The following LYPD6B variants were observed in gnomAD, a reference collection of about 807,000 sequenced individuals.
LYPD6B encodes the protein ly6/PLAUR domain-containing protein 6B.
A neutral mutation model predicts 22.8 loss-of-function variants in LYPD6B; 17 were observed. That is an observed-to-expected ratio of 0.75 (90% CI 0.51 to 1.12). LYPD6B has a LOEUF of 1.12. Among genes scored for constraint, LYPD6B ranks in the 50% most tolerant of loss-of-function variants. The pLI is 0.00. For missense variants in LYPD6B, 221 were observed against 258.3 expected (o/e 0.86, Z 0.99); for synonymous variants, 106 against 91.6 (o/e 1.16, Z -0.90).
At chr2:149,198,125 C>G (rs138799293) in intron 3 of LYPD6B, among the ~76,000 whole-genome samples, 2 of 151,982 alleles carry the variant, frequency 1.3e-5, no homozygotes, top group South Asian at 2.1e-4. Context: ...TCACTGCAAT[C>G]CCCGCCTCCT....
At chr2:149,095,380 C>T (rs1156469336) in intron 1 of LYPD6B, among the ~76,000 whole-genome samples, 1 of 152,196 alleles carries the variant, frequency 6.6e-6, no homozygotes, top group African/African-American at 2.4e-5. Context: ...CATTGTGATA[C>T]TGTGCTCTCA....
chr2:149,101,793 T>C (rs1453252152), intron 1 of LYPD6B, among the ~76,000 whole-genome samples: 1 of 152,222 alleles, frequency 6.6e-6, no homozygotes, highest in Admixed American at 6.5e-5. Flanking sequence ...GAATGCATCT[T>C]GGCCTCAAGG....
intron 1 of LYPD6B, among the ~76,000 whole-genome samples, chr2:149,042,071 G>C (rs4667363): frequency 0.91 from 138,080 of 152,226 alleles, 64,170 homozygotes; most frequent in East Asian, 1. Flanking sequence ...AGAACACTTA[G>C]TTGCTCTAAA....
chr2:149,041,785 T>C (rs1683099858), intron 1 of LYPD6B, among the ~76,000 whole-genome samples: 1 of 152,186 alleles, frequency 6.6e-6, no homozygotes, highest in Non-Finnish European at 1.5e-5. Flanking sequence ...CTACCCTGTA[T>C]TAGATTCCAT....
chr2:149,156,527 G>T (rs1181638925), intron 2 of LYPD6B, among the ~76,000 whole-genome samples: 3 of 152,116 alleles, frequency 2.0e-5, no homozygotes, highest in African/African-American at 7.2e-5. Flanking sequence ...CAAAATCAAG[G>T]TGTCAGCAAG....
In LYPD6B at chr2:149,130,872, C is replaced by T. The variant is rs752160294; in HGVS notation, c.-66-11C>T. The T allele has an allele frequency of 2.2e-5, 24 of 1,075,584 alleles. No homozygotes were observed. Among genetic ancestry groups the T allele is most frequent in the Non-Finnish European group, 3.3e-5 (23 of 696,088 alleles). The allele number at this position is 1,075,584 out of a possible 1,614,324, so 66.6% of individuals were successfully genotyped here. ...AGTCATAATGATACCTTTTCATGTT[C>T]ATTTGTTTAGATATGCCACACTTCT... is the stretch of plus-strand genomic sequence containing the variant. On this transcript the variant is annotated splice_polypyrimidine_tract_variant and intron_variant, in intron 1 of 6. Coordinates refer to ENST00000409642, the MANE Select transcript of LYPD6B (RefSeq NM_177964.5).
At chr2:149,120,383 A>ATTTTTTTTTTTTT (rs869074241) in intron 1 of LYPD6B, among the ~76,000 whole-genome samples, 1 of 48,614 alleles carries the variant, frequency 2.1e-5, no homozygotes, top group African/African-American at 1.1e-4. Context: ...ATATATATAT[A>ATTTTTTTTTTTTT]TTTTTTTTTT....
At chr2:149,047,809 G>C (rs1010138513) in intron 1 of LYPD6B, among the ~76,000 whole-genome samples, 1 of 151,854 alleles carries the variant, frequency 6.6e-6, no homozygotes, top group Non-Finnish European at 1.5e-5. Context: ...TTCGTTTTTT[G>C]CTTGTTTTAT....
chr2:149,087,233 C>T (rs1558989965), intron 1 of LYPD6B, among the ~76,000 whole-genome samples: 1 of 152,108 alleles, frequency 6.6e-6, no homozygotes, highest in African/African-American at 2.4e-5. Flanking sequence ...GCCACTTTCC[C>T]TTCTCCCTTC....
chr2:149,122,540 G>C (rs1687433782), intron 1 of LYPD6B, among the ~76,000 whole-genome samples: 2 of 151,094 alleles, frequency 1.3e-5, no homozygotes, highest in Non-Finnish European at 2.9e-5. Context: ...ATTTACATTA[G>C]TTATTCCTCC....
intron 1 of LYPD6B, among the ~76,000 whole-genome samples, chr2:149,071,945 T>C (rs891878174): frequency 3.3e-5 from 5 of 152,200 alleles, no homozygotes; most frequent in Admixed American, 3.3e-4. Context: ...CCCCCCTTTT[T>C]TTTTGAGACA....
intron 3 of LYPD6B, among the ~76,000 whole-genome samples, chr2:149,176,028 CAT>C (rs1474033236): frequency 6.6e-6 from 1 of 152,144 alleles, no homozygotes; most frequent in African/African-American, 2.4e-5. Flanking sequence ...CAGCCAGTAA[CAT>C]AGTCATTTAT....
At chr2:149,097,000 C>T (rs1685933218) in intron 1 of LYPD6B, among the ~76,000 whole-genome samples, 1 of 152,200 alleles carries the variant, frequency 6.6e-6, no homozygotes, top group Non-Finnish European at 1.5e-5. Flanking sequence ...GGGAGGCATC[C>T]AAACATGCTT....
intron 2 of LYPD6B, among the ~76,000 whole-genome samples, chr2:149,148,874 C>T (rs1054783192): frequency 1.3e-5 from 2 of 152,114 alleles, no homozygotes; most frequent in Non-Finnish European, 2.9e-5. Flanking sequence ...AAGTGTTTTA[C>T]AGACTTCTAC....
chr2:149,212,969 G>T (rs770160945), intron 5 of LYPD6B, 23 bp from the exon 6 acceptor site: 13 of 1,607,172 alleles, frequency 8.1e-6, no homozygotes, highest in Non-Finnish European at 1.1e-5. Context: ...TCTTGGTTTT[G>T]TTTTTTGTTT....
chr2:149,169,740 A>G (rs1471351717), intron 3 of LYPD6B, among the ~76,000 whole-genome samples: 2 of 152,170 alleles, frequency 1.3e-5, no homozygotes, highest in African/African-American at 4.8e-5. Flanking sequence ...TGCAGACTTT[A>G]AATACAGGGT....
chr2:149,131,214 G>T, intron 2 of LYPD6B: 1 of 423,840 alleles, frequency 2.4e-6, no homozygotes, highest in Non-Finnish European at 4.2e-6. Flanking sequence ...GGTAGCTGCT[G>T]ATCTTAATTT....
intron 1 of LYPD6B, among the ~76,000 whole-genome samples, chr2:149,119,600 C>T (rs80106878): frequency 1.3e-5 from 2 of 152,178 alleles, no homozygotes; most frequent in African/African-American, 2.4e-5. Context: ...GCCTTGGCTC[C>T]GGGCCCGTAG....
chr2:149,066,834 G>T (rs1347156739), intron 1 of LYPD6B, among the ~76,000 whole-genome samples: 3 of 151,630 alleles, frequency 2.0e-5, no homozygotes, highest in African/African-American at 7.3e-5. Flanking sequence ...TTTAGATTTA[G>T]GGGGTATATG....
Sources: gnomAD v4.1 joint callset for allele counts (sites outside exome capture counted in the v4.1 genomes callset) on GRCh38, gnomAD v4.1.1 for gene constraint, MANE v1.5 for transcripts, NCBI Gene and HGNC (gene_info 2026-07-23, HGNC 2026-07-21) for gene names.